The following SGCZ variants were observed in gnomAD, a reference collection of about 807,000 sequenced individuals.
The protein encoded by SGCZ is sarcoglycan zeta.
A neutral mutation model predicts 41.3 loss-of-function variants in SGCZ; 40 were observed. The ratio of observed to expected loss-of-function variants is 0.97; its 90% CI spans 0.75 to 1.26. The LOEUF is 1.26. Ranked by LOEUF, SGCZ falls within the 50% of genes most tolerant of loss-of-function variation. The probability of loss-of-function intolerance (pLI) is 0.00; values close to 1 mark genes in which losing one functional copy is unlikely to be tolerated. For missense variants in SGCZ, 552 were observed against 369.8 expected (o/e 1.49, Z -4.04); for synonymous variants, 206 against 137.5 (o/e 1.50, Z -3.49).
intron 1 of SGCZ, among the ~76,000 whole-genome samples, chr8:14,639,706 AT>A (rs1806959240): frequency 1.3e-5 from 2 of 151,866 alleles, no homozygotes; most frequent in South Asian, 4.1e-4. Context: ...TTAAACATAA[AT>A]GTCCAGAGCT....
intron 1 of SGCZ, among the ~76,000 whole-genome samples, chr8:14,956,696 G>T (rs1442572423): frequency 6.6e-6 from 1 of 152,000 alleles, no homozygotes; most frequent in East Asian, 1.9e-4. Context: ...TGATATAAAA[G>T]TCATCATACA....
chr8:14,840,835 T>G (rs1802879008), intron 1 of SGCZ, among the ~76,000 whole-genome samples: 1 of 152,118 alleles, frequency 6.6e-6, no homozygotes, highest in African/African-American at 2.4e-5. Context: ...ACTCAAGAAG[T>G]GTCAGATTCA....
At chr8:14,279,790 T>G (rs1374347024) in intron 3 of SGCZ, among the ~76,000 whole-genome samples, 2 of 151,992 alleles carry the variant, frequency 1.3e-5, no homozygotes, top group Non-Finnish European at 2.9e-5. Context: ...AACTGAATTT[T>G]CAGAAAATAC....
intron 1 of SGCZ, among the ~76,000 whole-genome samples, chr8:14,624,470 G>C (rs899112325): frequency 1.3e-5 from 2 of 149,460 alleles, no homozygotes; most frequent in Non-Finnish European, 3.0e-5. Flanking sequence ...ATACCAAGAA[G>C]CGCAATAATT....
At chr8:14,100,933 A>G (rs1476948937) in intron 7 of SGCZ, among the ~76,000 whole-genome samples, 1 of 152,102 alleles carries the variant, frequency 6.6e-6, no homozygotes, top group Non-Finnish European at 1.5e-5. Flanking sequence ...AAATAACACA[A>G]GAAGAAAATA....
chr8:14,571,979 C>CAATTATCTG (rs1327158041), intron 1 of SGCZ, among the ~76,000 whole-genome samples: 1 of 152,062 alleles, frequency 6.6e-6, no homozygotes, highest in Non-Finnish European at 1.5e-5. Context: ...GAAATAATAA[C>CAATTATCTG]AATTATCTGA....
intron 2 of SGCZ, among the ~76,000 whole-genome samples, chr8:14,370,456 G>C (rs1803870856): frequency 1.3e-5 from 2 of 151,862 alleles, no homozygotes; most frequent in African/African-American, 4.8e-5. Context: ...GAAACAAATT[G>C]GTTATATGAA....
chr8:14,713,638 TAAAAC>T (rs1318792301), intron 1 of SGCZ, among the ~76,000 whole-genome samples: 1 of 115,274 alleles, frequency 8.7e-6, no homozygotes, highest in Admixed American at 8.9e-5. Flanking sequence ...GATCAGGAAA[TAAAAC>T]AAAAGAAGAA....
intron 1 of SGCZ, among the ~76,000 whole-genome samples, chr8:15,053,398 G>C (rs546892182): frequency 2.6e-5 from 4 of 152,020 alleles, no homozygotes; most frequent in African/African-American, 9.6e-5. Flanking sequence ...CTCTTCCGTA[G>C]TTGATTTCAC....
intron 2 of SGCZ, among the ~76,000 whole-genome samples, chr8:14,453,033 G>A (rs1053160469): frequency 2.0e-5 from 3 of 152,026 alleles, no homozygotes; most frequent in African/African-American, 7.3e-5. Context: ...AACCCAGGAG[G>A]CAGAGGCTGC....
chr8:14,660,991 A>T (rs1807728827), intron 1 of SGCZ, among the ~76,000 whole-genome samples: 1 of 152,180 alleles, frequency 6.6e-6, no homozygotes, highest in Non-Finnish European at 1.5e-5. Context: ...ATTCATTATT[A>T]TTAATAAATA....
intron 1 of SGCZ, among the ~76,000 whole-genome samples, chr8:14,941,616 C>A (rs1206023031): frequency 6.6e-6 from 1 of 151,858 alleles, no homozygotes; most frequent in African/African-American, 2.4e-5. Flanking sequence ...GCATTTCCTC[C>A]AATGCTGGAT....
intron 1 of SGCZ, among the ~76,000 whole-genome samples, chr8:14,887,625 C>T (rs1332619594): frequency 6.6e-6 from 1 of 152,000 alleles, no homozygotes; most frequent in Non-Finnish European, 1.5e-5. Flanking sequence ...CATATAAAAA[C>T]TATGAATAAT....
intron 1 of SGCZ, chr8:14,853,451 G>C (rs747272970): frequency 1.9e-6 from 1 of 532,678 alleles, no homozygotes; most frequent in South Asian, 1.4e-5. Flanking sequence ...TTTCTGACCA[G>C]GCAGTGCTGT....
intron 1 of SGCZ, among the ~76,000 whole-genome samples, chr8:15,132,121 C>T (rs949888383): frequency 6.6e-6 from 1 of 152,180 alleles, no homozygotes; most frequent in African/African-American, 2.4e-5. Context: ...CAGTTAATTA[C>T]AAGTCATTGT....
At chr8:15,083,709 C>T (rs1805843041) in intron 1 of SGCZ, among the ~76,000 whole-genome samples, 1 of 152,042 alleles carries the variant, frequency 6.6e-6, no homozygotes, top group African/African-American at 2.4e-5. Context: ...CTTTCATGTC[C>T]AGCTAATTGT....
At chr8:14,757,107 G>A (rs528973556) in intron 1 of SGCZ, among the ~76,000 whole-genome samples, 2 of 152,152 alleles carry the variant, frequency 1.3e-5, no homozygotes, top group East Asian at 3.9e-4. Context: ...GGAGTGCAAT[G>A]GCACGATCTC....
At chr8:14,519,244 C>T (rs1802716318) in intron 2 of SGCZ, among the ~76,000 whole-genome samples, 1 of 151,932 alleles carries the variant, frequency 6.6e-6, no homozygotes, top group African/African-American at 2.4e-5. Context: ...TTTCTTAAAC[C>T]TTACCTACAA....
At chr8:14,483,665 A>ATT (rs1801595188) in intron 2 of SGCZ, among the ~76,000 whole-genome samples, 1 of 152,224 alleles carries the variant, frequency 6.6e-6, no homozygotes, top group African/African-American at 2.4e-5. Flanking sequence ...CAAAGAGAGT[A>ATT]TATTGTACTA....
Sources: gnomAD v4.1 joint callset for allele counts (sites outside exome capture counted in the v4.1 genomes callset) on GRCh38, gnomAD v4.1.1 for gene constraint, MANE v1.5 for transcripts, NCBI Gene and HGNC (gene_info 2026-07-23, HGNC 2026-07-21) for gene names.